The following NDFIP1 variants were observed in gnomAD, a reference collection of about 807,000 sequenced individuals.
NDFIP1 encodes Nedd4 family interacting protein 1, also known as NEDD4 family-interacting protein 1.
NDFIP1 carries 7 observed loss-of-function variants against 28.8 expected under a neutral mutation model. The ratio of observed to expected loss-of-function variants is 0.24; its 90% CI spans 0.14 to 0.46. The LOEUF is 0.46. Among genes scored for constraint, NDFIP1 ranks in the 20% least tolerant of loss-of-function variants. NDFIP1 has a pLI of 0.99. For missense variants in NDFIP1, 194 were observed against 269.1 expected (o/e 0.72, Z 1.95); for synonymous variants, 92 against 101.0 (o/e 0.91, Z 0.53).
At chr5:142,136,447 A>T (rs1757275737) in intron 4 of NDFIP1, among the ~76,000 whole-genome samples, 1 of 152,192 alleles carries the variant, frequency 6.6e-6, no homozygotes, top group South Asian at 2.1e-4. Flanking sequence ...TATATATATA[A>T]CACACACAGT....
chr5:142,140,701 A>G (rs1341408908), intron 6 of NDFIP1, 72 bp downstream of exon 6: 3 of 1,228,812 alleles, frequency 2.4e-6, no homozygotes, highest in East Asian at 4.8e-5. Flanking sequence ...TACTTGTAGT[A>G]AATGTTCATC....
At chr5:142,110,853 CCATT>C (rs1217944645) in intron 1 of NDFIP1, among the ~76,000 whole-genome samples, 11 of 80,156 alleles carry the variant, frequency 1.4e-4, no homozygotes. Context: ...TAATTTACAT[CCATT>C]TTTTTTTTCT....
chr5:142,130,990 C>T (rs1757221992), intron 1 of NDFIP1, among the ~76,000 whole-genome samples: 1 of 151,738 alleles, frequency 6.6e-6, no homozygotes, highest in African/African-American at 2.4e-5. Flanking sequence ...TGGTCTCTCT[C>T]ATGCCCCAGG....
At chr5:142,137,421 G>A (rs1457416944) in intron 4 of NDFIP1, among the ~76,000 whole-genome samples, 1 of 152,170 alleles carries the variant, frequency 6.6e-6, no homozygotes, top group East Asian at 1.9e-4. Context: ...CTGGGCTCGG[G>A]ATCCTCCAAC....
intron 1 of NDFIP1, among the ~76,000 whole-genome samples, chr5:142,117,951 G>A (rs374731594): frequency 1.3e-5 from 2 of 151,886 alleles, no homozygotes; most frequent in African/African-American, 2.4e-5. Flanking sequence ...CCAGGCTGGC[G>A]TCAAACTCCT....
At chr5:142,127,524 A>G (rs1341440130) in intron 1 of NDFIP1, among the ~76,000 whole-genome samples, 1 of 152,192 alleles carries the variant, frequency 6.6e-6, no homozygotes, top group Non-Finnish European at 1.5e-5. Flanking sequence ...GTGAAAGGTC[A>G]TCTGAATTCT....
Position 142,137,816 on chromosome 5 carries a change from A to G in NDFIP1, c.453A>G (p.Ser151=). 6.2e-7 allele frequency: 1 copy of G among 1,614,144 alleles called. No individual in the cohort carries two copies. Among genetic ancestry groups the G allele is most frequent in the Non-Finnish European group, 8.5e-7 (1 of 1,180,012 alleles). ...CTGCAGGAAGGTATGGGGCCATTTC[A>G]GGATTTGGTCTCTCTCTAATTAAAT... ...TSAAGRYGAI[S]GFGLSLIKWI... Residue 151 remains serine (S), a synonymous_variant, in exon 5 of 8, where the codon TCA becomes TCG. Coordinates refer to ENST00000253814, the MANE Select transcript of NDFIP1 (RefSeq NM_030571.4).
chr5:142,150,044 G>A (rs71585401), intron 7 of NDFIP1, among the ~76,000 whole-genome samples: 16,735 of 152,016 alleles, frequency 0.11, 1,249 homozygotes, highest in East Asian at 0.37. Flanking sequence ...AGCTGGGTGT[G>A]GTGGCGGGCG....
At chr5:142,144,751 TAA>T in intron 7 of NDFIP1, 75 bp downstream of exon 7, 2 of 959,510 alleles carry the variant, frequency 2.1e-6, no homozygotes, top group Non-Finnish European at 3.2e-6. Context: ...AGTTTTAGAG[TAA>T]GTATCTGTGA....
intron 1 of NDFIP1, among the ~76,000 whole-genome samples, chr5:142,122,662 T>C (rs1006198672): frequency 6.6e-6 from 1 of 152,194 alleles, no homozygotes; most frequent in Non-Finnish European, 1.5e-5. Flanking sequence ...CATTTGGTAT[T>C]TTCTGTTTTT....
intron 3 of NDFIP1, among the ~76,000 whole-genome samples, chr5:142,132,718 A>T (rs934213112): frequency 4.6e-5 from 7 of 152,220 alleles, no homozygotes; most frequent in African/African-American, 7.2e-5. Flanking sequence ...GCAAATTTGT[A>T]GAATTAAACT....
chr5:142,140,092 A>G (rs1043441837), intron 5 of NDFIP1, among the ~76,000 whole-genome samples: 5 of 152,202 alleles, frequency 3.3e-5, no homozygotes, highest in African/African-American at 1.2e-4. Context: ...AGCTAGTAAT[A>G]TGTAAAATAC....
chr5:142,142,952 TATATATA>T (rs1561604577), intron 6 of NDFIP1: 1 of 129,896 alleles, frequency 7.7e-6, no homozygotes, highest in Non-Finnish European at 1.6e-5. Flanking sequence ...TATATATATA[TATATATA>T]TATATATATT....
intron 7 of NDFIP1, among the ~76,000 whole-genome samples, chr5:142,148,874 C>G (rs190825404): frequency 7.3e-5 from 11 of 150,842 alleles, no homozygotes; most frequent in Admixed American, 7.3e-4. Context: ...TTCTTATTTA[C>G]CAGTTCACTG....
chr5:142,148,791 G>A (rs1757417575), intron 7 of NDFIP1, among the ~76,000 whole-genome samples: 1 of 147,770 alleles, frequency 6.8e-6, no homozygotes, highest in Non-Finnish European at 1.5e-5. Context: ...TGTGACTGAG[G>A]AAGCAGAAGA....
At chr5:142,130,290 G>A (rs918009150) in intron 1 of NDFIP1, among the ~76,000 whole-genome samples, 13 of 152,150 alleles carry the variant, frequency 8.5e-5, no homozygotes, top group African/African-American at 3.1e-4. Context: ...ACTAGCAACA[G>A]CAGACACTTT....
chr5:142,123,165 G>A (rs1757137415), intron 1 of NDFIP1, among the ~76,000 whole-genome samples: 2 of 152,146 alleles, frequency 1.3e-5, no homozygotes, highest in Non-Finnish European at 2.9e-5. Context: ...GTTTCACCAT[G>A]TTGGCCAGGC....
chr5:142,109,737 T>C (rs1216239512), intron 1 of NDFIP1, among the ~76,000 whole-genome samples: 1 of 152,186 alleles, frequency 6.6e-6, no homozygotes, highest in Non-Finnish European at 1.5e-5. Context: ...AGGAAATGTA[T>C]AGGAAATGAT....
At chr5:142,131,972 AGCTTC>A in intron 2 of NDFIP1, 77 bp downstream of exon 2, 3 of 1,317,490 alleles carry the variant, frequency 2.3e-6, no homozygotes, top group Non-Finnish European at 1.0e-6. Flanking sequence ...AAAAAAAAAA[AGCTTC>A]AGAAGCAGTT....
Sources: gnomAD v4.1 joint callset for allele counts (sites outside exome capture counted in the v4.1 genomes callset) on GRCh38, gnomAD v4.1.1 for gene constraint, MANE v1.5 for transcripts, NCBI Gene and HGNC (gene_info 2026-07-23, HGNC 2026-07-21) for gene names.